The following EIF2B4 variants were observed in gnomAD, a reference collection of about 807,000 sequenced individuals.
EIF2B4 encodes eukaryotic translation initiation factor 2B subunit delta.
Under a neutral mutation model 66.7 loss-of-function variants are expected in EIF2B4, and 34 were observed. That is an observed-to-expected ratio of 0.51 (90% CI 0.39 to 0.68). EIF2B4 has a LOEUF of 0.68. Among genes scored for constraint, EIF2B4 ranks in the 30% least tolerant of loss-of-function variants. The pLI is 0.00. For missense variants in EIF2B4, 618 were observed against 657.9 expected (o/e 0.94, Z 0.66); for synonymous variants, 278 against 253.6 (o/e 1.10, Z -0.92).
chr2:27,367,918 G>A, intron 7 of EIF2B4, 96 bp from the exon 8 acceptor site: 4 of 1,487,770 alleles, frequency 2.7e-6, no homozygotes, highest in South Asian at 1.1e-5. Flanking sequence ...TGTTCTGAGG[G>A]TAGGAGTATT....
At chr2:27,369,636 G>A in intron 2 of EIF2B4, 87 bp from the exon 3 acceptor site, 1 of 1,602,418 alleles carries the variant, frequency 6.2e-7, no homozygotes, top group Non-Finnish European at 8.5e-7. Flanking sequence ...TTTCCACATG[G>A]TTAAATCCCT....
chr2:27,367,605 C>T, intron 8 of EIF2B4, 46 bp from the exon 9 acceptor site: 1 of 1,605,304 alleles, frequency 6.2e-7, no homozygotes, highest in African/African-American at 1.3e-5. Context: ...CTCTTCACAA[C>T]TTACAAAGCC....
intron 3 of EIF2B4, 38 bp from the exon 4 acceptor site, chr2:27,369,250 C>A (rs754051747): frequency 1.2e-6 from 2 of 1,606,654 alleles, no homozygotes; most frequent in African/African-American, 2.7e-5. Context: ...AAGCTGCAGG[C>A]AGGTGATATC....
At position 27,366,821 on chromosome 2, in the gene EIF2B4, C is replaced by G. The variant is rs745579285; in HGVS notation, c.1129G>C (p.Val377Leu). The G allele has an allele frequency of 5.6e-6, 9 of 1,614,076 alleles. No homozygotes were observed. The highest frequency in any genetic ancestry group is 5.9e-6 in the Non-Finnish European group (7 of 1,180,046). ...TAGGAGGCTGGGACACCAGCATGGA[C>G]TAGAGAACGTAGTGTGTGCCTTCCT... ...LEGRHTLRSL[V>L]HAGVPASYLL... is the part of the protein sequence containing the mutation. Residue 377 changes from valine (V) to leucine (L), a missense_variant, in exon 11 of 13, where the codon GTC becomes CTC. Transcript: ENST00000347454.
intron 1 of EIF2B4, 123 bp downstream of exon 1, chr2:27,370,161 G>T: frequency 6.5e-7 from 1 of 1,544,816 alleles, no homozygotes; most frequent in South Asian, 1.2e-5. Flanking sequence ...AGACTGTGTA[G>T]ACCGGAGCCC....
rs1202161925 is a variant in EIF2B4 at position 27,366,812 on chromosome 2, C to T, written c.1138G>A (p.Gly380Ser). 2 of 1,614,210 alleles carry T rather than the reference C, an allele frequency of 1.2e-6. No homozygotes were observed. Residue 380 changes from glycine (G) to serine (S), a missense_variant, in exon 11 of 13, where the codon GGT becomes AGT. Gly to Ser is a moderately conservative substitution (Grantham distance 56). Around this residue, in one of 4 missense-constraint regions of EIF2B4, gnomAD observed 506 missense variants for 511.9 expected, o/e 0.99. Coordinates refer to ENST00000347454, the MANE Select transcript of EIF2B4 (RefSeq NM_001034116.2). ...RHTLRSLVHA[G>S]VPASYLLIPA... ...ATCAGCAGGTAGGAGGCTGGGACACCAGCATGGACTAGAGAACGTAGTGTG... is the reference window on the plus strand; with the variant it reads ...ATCAGCAGGTAGGAGGCTGGGACACTAGCATGGACTAGAGAACGTAGTGTG...
chr2:27,364,956 G>A (rs1442671479), intron 11 of EIF2B4, 58 bp from the exon 12 acceptor site: 46 of 1,556,054 alleles, frequency 3.0e-5, no homozygotes, highest in Non-Finnish European at 4.0e-5. Flanking sequence ...TGCAAAATAA[G>A]GTCCCCTACT....
At chr2:27,365,268 G>A (rs945732049) in intron 11 of EIF2B4, among the ~76,000 whole-genome samples, 4 of 151,710 alleles carry the variant, frequency 2.6e-5, no homozygotes, top group Non-Finnish European at 5.9e-5. Context: ...GTTTCTCCAC[G>A]TTGGTCAGGC....
In EIF2B4 at chr2:27,365,358, G is replaced by A. The variant is rs183875053; in HGVS notation, c.1192-460C>T. ...CAGGATAACAGGCGTGAGCCACTGAGTCCGGCAATTAATAAATCCTTTTTT... is the reference window on the plus strand; with the variant it reads ...CAGGATAACAGGCGTGAGCCACTGAATCCGGCAATTAATAAATCCTTTTTT... On this transcript the variant is annotated intron_variant, in intron 11 of 12. Coordinates refer to ENST00000347454, the MANE Select transcript of EIF2B4 (RefSeq NM_001034116.2). 6.2e-3 allele frequency among the ~76,000 whole-genome samples: 910 copies of A among 147,336 alleles called. 35 individuals are homozygous for A. The highest frequency in any genetic ancestry group is 0.059 in the Admixed American group (855 of 14,544).
intron 6 of EIF2B4, 91 bp from the exon 7 acceptor site, chr2:27,368,230 C>T (rs1682010420): frequency 1.2e-5 from 15 of 1,299,832 alleles, no homozygotes; most frequent in African/African-American, 1.5e-5. Context: ...CCTTCACTAG[C>T]AGATTTCCCC....
intron 12 of EIF2B4, 26 bp from the exon 13 acceptor site, chr2:27,364,625 G>A (rs1253777230): frequency 6.2e-7 from 1 of 1,614,146 alleles, no homozygotes; most frequent in Admixed American, 1.7e-5. Context: ...TACCCATTAT[G>A]TTCTTTCAGA....
At chr2:27,368,568 C>G (rs762291603) in intron 5 of EIF2B4, 86 bp downstream of exon 5, 26 of 1,571,320 alleles carry the variant, frequency 1.7e-5, no homozygotes, top group Non-Finnish European at 2.2e-5. Context: ...AAGCACCTAT[C>G]CTTCTCACTT....
At chr2:27,367,410 A>C (rs767982696) in intron 9 of EIF2B4, 47 bp downstream of exon 9, 1 of 1,610,972 alleles carries the variant, frequency 6.2e-7, no homozygotes, top group Admixed American at 1.7e-5. Flanking sequence ...CATGTTTCTT[A>C]ATTTTACCCA....
chr2:27,366,880 C>T lies in EIF2B4; in HGVS notation c.1070G>A (p.Arg357Gln), dbSNP rs113994033. 9 of 1,614,148 alleles carry T rather than the reference C, an allele frequency of 5.6e-6. No individual in the cohort carries two copies. The highest frequency in any genetic ancestry group is 4.0e-5 in the African/African-American group (3 of 75,046). ...TGGCCGGCTGTCCACCACTACCACC[C>T]GAAACCGCCGGCCCTCTGTCCAAGC... is the stretch of plus-strand genomic sequence containing the variant. The part of the protein sequence containing the change: ...QEAWTEGRRF[R>Q]VVVVDSRPWL... Residue 357 changes from arginine to glutamine, a missense_variant, in exon 11 of 13, where the codon CGG becomes CAG. By Grantham distance (43) the Arg-to-Gln change is conservative. This residue lies in a region of EIF2B4 where 506 missense variants were observed against 511.9 expected (regional missense o/e 0.99). Coordinates refer to ENST00000347454, the MANE Select transcript of EIF2B4 (RefSeq NM_001034116.2).
In EIF2B4 at chr2:27,366,929, G is replaced by A. The variant is rs145468921; in HGVS notation, c.1021C>T (p.Leu341=). The A allele has an allele frequency of 5.6e-6, 9 of 1,614,174 alleles. No individual in the cohort carries two copies. The African/African-American group carries it at 1.1e-4, about 19-fold the overall frequency. The change falls in exon 11 of 13, where the codon CTG becomes TTG. Residue 341 remains leucine (L), a synonymous_variant. Coordinates refer to ENST00000347454, the MANE Select transcript of EIF2B4 (RefSeq NM_001034116.2). ...GCCTCCTGAAGAATTCGTGATACCA[G>A]AGATGAGCTAGAGTGAATGAAGAGG... The part of the protein sequence containing the change: ...DVILVYGCSS[L]VSRILQEAWT...
chr2:27,364,656 G>T, intron 12 of EIF2B4, 57 bp from the exon 13 acceptor site: 1 of 1,613,938 alleles, frequency 6.2e-7, no homozygotes, highest in Admixed American at 1.7e-5. Context: ...TAGTTTATCC[G>T]CCCCTCTCCC....
intron 2 of EIF2B4, 33 bp from the exon 3 acceptor site, chr2:27,369,582 C>G: frequency 6.2e-7 from 1 of 1,613,898 alleles, no homozygotes; most frequent in East Asian, 2.2e-5. Context: ...TGCTCTTCCC[C>G]AACAATTCCA....
Position 27,367,562 on chromosome 2 carries a change from A to G in EIF2B4, c.783-3T>C, listed in dbSNP as rs549126918. ...GGGGACGGCACTGAGTCAGGAAGCT[A>G]TAATACAACAGCAATACCTTATATC... is the stretch of plus-strand genomic sequence containing the variant. On this transcript the variant is annotated splice_region_variant and splice_polypyrimidine_tract_variant and intron_variant, in intron 8 of 12. Transcript: ENST00000347454. 1.5e-5 allele frequency: 25 copies of G among 1,614,154 alleles called. 1 individual carries two copies. In the South Asian group the frequency reaches 2.3e-4, roughly 15 times the overall value.
chr2:27,367,277 T>C, intron 9 of EIF2B4, 76 bp from the exon 10 acceptor site: 12 of 1,604,924 alleles, frequency 7.5e-6, no homozygotes, highest in Non-Finnish European at 1.0e-5. Context: ...GGTGCTTGAA[T>C]ATGTGTATGA....
Sources: allele counts gnomAD v4.1 joint callset (sites outside exome capture counted in the v4.1 genomes callset), GRCh38; gene constraint gnomAD v4.1.1; regional missense constraint gnomAD v4.1.1; transcripts MANE v1.5; gene names NCBI Gene and HGNC (gene_info 2026-07-23, HGNC 2026-07-21).